PALM2AKAP2: variants seen among roughly 807,000 people sequenced by gnomAD.
PALM2AKAP2 encodes PALM2 and AKAP2 fusion.
PALM2AKAP2 carries 37 observed loss-of-function variants against 71.5 expected under a neutral mutation model. The ratio of observed to expected loss-of-function variants is 0.52; its 90% CI spans 0.40 to 0.68. The LOEUF (loss-of-function observed/expected upper bound fraction) is 0.68, where lower values mean the gene tolerates loss of function less well. PALM2AKAP2 is among the 30% of genes least tolerant of loss of function. The pLI is 0.00. For synonymous variants in PALM2AKAP2, 468 were observed against 478.8 expected, an observed-to-expected ratio of 0.98 and a Z score of 0.29; for missense variants, 1,224 against 1,191.8, an observed-to-expected ratio of 1.03 and a Z score of -0.40.
intron 1 of PALM2AKAP2, among the ~76,000 whole-genome samples, chr9:110,069,400 G>A (rs1834156507): frequency 6.6e-6 from 1 of 152,176 alleles, no homozygotes; most frequent in African/African-American, 2.4e-5. Flanking sequence ...CAAAACATTT[G>A]TTTGTCCCAG....
chr9:109,976,408 G>C (rs574511206), intron 6 of PALM2AKAP2, among the ~76,000 whole-genome samples: 158 of 152,320 alleles, frequency 1.0e-3, no homozygotes, highest in African/African-American at 3.7e-3. Flanking sequence ...GTAGAGTCAG[G>C]GTTCATATGA....
In PALM2AKAP2 at chr9:109,843,944, T is replaced by G. The variant is rs1828778615; in HGVS notation, c.46-23547T>G. On this transcript the variant is annotated intron_variant, in intron 1 of 9. Coordinates refer to the PALM2AKAP2 transcript ENST00000302798. The stretch of plus-strand genomic sequence containing the variant: ...AGAAGGAGACGCCAAGATTTAAATC[T>G]GCAGTTCCTGACCTCCGCAACCACA... Among the ~76,000 whole-genome samples the G allele has an allele frequency of 3.3e-5, 5 of 152,248 alleles. No homozygotes were observed. In the South Asian group the frequency reaches 1.0e-3, roughly 31 times the overall value.
intron 2 of PALM2AKAP2, among the ~76,000 whole-genome samples, chr9:110,148,293 A>G (rs545083893): frequency 6.6e-6 from 1 of 152,326 alleles, no homozygotes; most frequent in East Asian, 1.9e-4. Context: ...GTATAAACCC[A>G]ATATCAGCAA....
At chr9:109,725,052 A>G (rs1828456435) in intron 1 of PALM2AKAP2, among the ~76,000 whole-genome samples, 1 of 152,208 alleles carries the variant, frequency 6.6e-6, no homozygotes, top group Non-Finnish European at 1.5e-5. Context: ...AGAAATGCAA[A>G]TGGCCAATAA....
At chr9:109,792,380 G>T (rs776465935) in intron 1 of PALM2AKAP2, among the ~76,000 whole-genome samples, 1 of 152,212 alleles carries the variant, frequency 6.6e-6, no homozygotes, top group African/African-American at 2.4e-5. Flanking sequence ...TTCCACCTCA[G>T]CTTCCTAAGT....
rs879237135 is a variant in PALM2AKAP2 at position 109,867,164 on chromosome 9, C to CTCTGTGTGTGTGTG, written c.46-326_46-325insCTGTGTGTGTGTGT. On this transcript the variant is annotated intron_variant, in intron 1 of 9. Coordinates refer to the PALM2AKAP2 transcript ENST00000302798. ...TTAACACTGCACAGAACATGGTTCT[C>CTCTGTGTGTGTGTG]TGTGTGTGTGTGTGTGTGTGTGTGT... 4.4e-3 allele frequency: 1,752 copies of CTCTGTGTGTGTGTG among 399,512 alleles called. 8 individuals are homozygous for CTCTGTGTGTGTGTG. The highest frequency in any genetic ancestry group is 7.3e-3 in the Non-Finnish European group (1,455 of 199,526). 24.7% of individuals were successfully genotyped at this position (399,512 alleles called of 1,614,324 possible).
At chr9:109,941,632 T>C (rs1831371416) in intron 6 of PALM2AKAP2, among the ~76,000 whole-genome samples, 1 of 152,252 alleles carries the variant, frequency 6.6e-6, no homozygotes, top group African/African-American at 2.4e-5. Context: ...ACCTGGAGCC[T>C]GGTGGCTCTA....
At chr9:110,035,319 T>G (rs1318746568) in intron 7 of PALM2AKAP2, among the ~76,000 whole-genome samples, 1 of 145,292 alleles carries the variant, frequency 6.9e-6, no homozygotes, top group African/African-American at 2.5e-5. Context: ...TACATACATA[T>G]GTATTATATG....
exon 3 of PALM2AKAP2, chr9:109,880,592 C>T (rs1012267092): frequency 3.7e-6 from 6 of 1,613,576 alleles, no homozygotes; most frequent in East Asian, 2.2e-5. Context: ...AGGGCATACC[C>T]GCTGGAACTG....
At chr9:110,044,452 A>G (rs1409009540), upstream of PALM2AKAP2, among the ~76,000 whole-genome samples, 1 of 146,730 alleles carries the variant, frequency 6.8e-6, no homozygotes, top group East Asian at 2.0e-4. Context: ...CCAGGGTTCA[A>G]GTGATTCTCC....
intron 1 of PALM2AKAP2, among the ~76,000 whole-genome samples, chr9:109,653,004 G>A (rs1273482634): frequency 6.6e-6 from 1 of 152,134 alleles, no homozygotes; most frequent in East Asian, 1.9e-4. Flanking sequence ...TTAATGTTTG[G>A]ACTAGTCATC....
upstream of PALM2AKAP2, among the ~76,000 whole-genome samples, chr9:110,046,720 G>A (rs1438285710): frequency 6.6e-6 from 1 of 152,012 alleles, no homozygotes; most frequent in Non-Finnish European, 1.5e-5. Flanking sequence ...CGCCCACCTC[G>A]GCCTCCCAAA....
chr9:110,016,852 G>T (rs901320516), intron 7 of PALM2AKAP2, among the ~76,000 whole-genome samples: 1 of 152,158 alleles, frequency 6.6e-6, no homozygotes, highest in Middle Eastern at 3.2e-3. Flanking sequence ...AAGAAGTAAT[G>T]TCTTATTTTA....
chr9:109,668,744 G>T (rs892587147), intron 1 of PALM2AKAP2, among the ~76,000 whole-genome samples: 1 of 152,224 alleles, frequency 6.6e-6, no homozygotes, highest in African/African-American at 2.4e-5. Flanking sequence ...TCCAGAGAGT[G>T]TTGTGATTTC....
intron 7 of PALM2AKAP2, among the ~76,000 whole-genome samples, chr9:110,035,123 T>G (rs1185621385): frequency 2.0e-5 from 3 of 150,116 alleles, no homozygotes; most frequent in Non-Finnish European, 4.4e-5. Flanking sequence ...TGTTTAGTGT[T>G]TTACAAGTGC....
chr9:109,980,386 C>T (rs1045913236), intron 6 of PALM2AKAP2, among the ~76,000 whole-genome samples: 4 of 152,108 alleles, frequency 2.6e-5, no homozygotes, highest in Admixed American at 2.0e-4. Flanking sequence ...GTTTTTCTTC[C>T]TCAAAGCAAA....
intron 1 of PALM2AKAP2, among the ~76,000 whole-genome samples, chr9:109,707,975 C>A (rs983509536): frequency 2.6e-5 from 4 of 152,140 alleles, no homozygotes; most frequent in Non-Finnish European, 5.9e-5. Context: ...CAGTGCCTTT[C>A]CCATAAGATC....
At chr9:109,728,490 C>A (rs1828507665) in intron 1 of PALM2AKAP2, among the ~76,000 whole-genome samples, 1 of 152,198 alleles carries the variant, frequency 6.6e-6, no homozygotes, top group African/African-American at 2.4e-5. Flanking sequence ...CATCCTGATG[C>A]AGCAAGTGAG....
At chr9:109,851,026 A>C (rs965315522) in intron 1 of PALM2AKAP2, among the ~76,000 whole-genome samples, 8 of 152,036 alleles carry the variant, frequency 5.3e-5, no homozygotes. Flanking sequence ...AAATACAAAA[A>C]ATTAGCCAGG....
Sources: gnomAD v4.1 joint callset for allele counts (sites outside exome capture counted in the v4.1 genomes callset) on GRCh38, gnomAD v4.1.1 for gene constraint, MANE v1.5 for transcripts, NCBI Gene and HGNC (gene_info 2026-07-23, HGNC 2026-07-21) for gene names.